The following INSL6 variants were observed in gnomAD, a reference collection of about 807,000 sequenced individuals.
The protein encoded by INSL6 is insulin like 6, also known as insulin-like peptide INSL6.
Under a neutral mutation model 9.4 loss-of-function variants are expected in INSL6, and 16 were observed. That is an observed-to-expected ratio of 1.70 (90% CI 1.15 to 2.59). The LOEUF (loss-of-function observed/expected upper bound fraction) is 2.59, where lower values mean the gene tolerates loss of function less well. Among genes scored for constraint, INSL6 ranks in the 30% most tolerant of loss-of-function variants. The pLI is 0.00. For missense variants in INSL6, 391 were observed against 257.3 expected, an observed-to-expected ratio of 1.52 and a Z score of -3.56; for synonymous variants, 154 against 96.9, an observed-to-expected ratio of 1.59 and a Z score of -3.46.
chr9:5,007,793 C>G, the INSL6 span, among the ~76,000 whole-genome samples: 1 of 151,468 alleles, frequency 6.6e-6, no homozygotes, highest in African/African-American at 2.4e-5. Flanking sequence ...GATATCTGAG[C>G]CTTGGCTCAC....
the INSL6 span, among the ~76,000 whole-genome samples, chr9:5,116,549 TA>T: frequency 6.6e-6 from 1 of 152,130 alleles, no homozygotes; most frequent in Non-Finnish European, 1.5e-5. Flanking sequence ...AATGAAAAAT[TA>T]AAGAGGTTAA....
chr9:5,087,474 A>ACTGGTAGTTCTTTTGCT, the INSL6 span, among the ~76,000 whole-genome samples: 2 of 151,540 alleles, frequency 1.3e-5, no homozygotes, highest in African/African-American at 4.8e-5. Flanking sequence ...AAACCATATC[A>ACTGGTAGTTCTTTTGCT]CTCCCTTACT....
chr9:5,048,236 G>C, the INSL6 span, among the ~76,000 whole-genome samples: 2 of 151,952 alleles, frequency 1.3e-5, no homozygotes, highest in Non-Finnish European at 1.5e-5. Context: ...CTGCCTCCCA[G>C]GTTCAAGTGA....
chr9:5,107,800 A>G, the INSL6 span: 1 of 152,118 alleles, frequency 6.6e-6, no homozygotes, highest in African/African-American at 2.4e-5. Context: ...ATTTTACTCT[A>G]GCATCTATAA....
At chr9:5,084,706 ATT>A in the INSL6 span, among the ~76,000 whole-genome samples, 1 of 152,164 alleles carries the variant, frequency 6.6e-6, no homozygotes, top group African/African-American at 2.4e-5. Context: ...AACATGGATT[ATT>A]TGTGTAATAG....
the INSL6 span, among the ~76,000 whole-genome samples, chr9:5,072,996 G>C: frequency 6.6e-6 from 1 of 152,072 alleles, no homozygotes; most frequent in Non-Finnish European, 1.5e-5. Flanking sequence ...ACTGTACTAA[G>C]GAACATGCTT....
At chr9:5,119,297 C>T (rs1344687763), downstream of INSL6, among the ~76,000 whole-genome samples, 2 of 151,950 alleles carry the variant, frequency 1.3e-5, no homozygotes, top group Non-Finnish European at 2.9e-5. Flanking sequence ...AGAACAAATG[C>T]ATGGAGGTAT....
the INSL6 span, among the ~76,000 whole-genome samples, chr9:5,010,019 G>A: frequency 9.4e-4 from 143 of 152,230 alleles, no homozygotes; most frequent in African/African-American, 3.3e-3. Context: ...CGATCCTCTC[G>A]CCTTGGACTT....
chr9:5,178,881 T>C (rs1039413203), intron 1 of INSL6, among the ~76,000 whole-genome samples: 14 of 152,096 alleles, frequency 9.2e-5, no homozygotes, highest in Non-Finnish European at 2.9e-5. Flanking sequence ...ATTAAAGACT[T>C]ATGTAAAACC....
At chr9:5,035,287 T>A in the INSL6 span, among the ~76,000 whole-genome samples, 2 of 152,348 alleles carry the variant, frequency 1.3e-5, no homozygotes, top group African/African-American at 4.8e-5. Flanking sequence ...GATTCACAGC[T>A]GAATTCTACC....
the INSL6 span, among the ~76,000 whole-genome samples, chr9:5,118,109 G>A: frequency 8.5e-5 from 13 of 152,158 alleles, no homozygotes; most frequent in African/African-American, 2.9e-4. Flanking sequence ...TGCAGTGAGC[G>A]GAGACCTCGC....
At chr9:4,994,943 C>CGTGT in the INSL6 span, among the ~76,000 whole-genome samples, 1,030 of 151,104 alleles carry the variant, frequency 6.8e-3, 14 homozygotes, top group African/African-American at 0.024. Context: ...TTTGTCAGGG[C>CGTGT]GTGTGTGTGT....
chr9:5,056,927 C>T, the INSL6 span, among the ~76,000 whole-genome samples: 1 of 152,134 alleles, frequency 6.6e-6, no homozygotes, highest in East Asian at 1.9e-4. Context: ...AACTCAAATG[C>T]ATGCTTTGAA....
chr9:5,044,318 A>G, the INSL6 span: 4 of 794,100 alleles, frequency 5.0e-6, no homozygotes, highest in Non-Finnish European at 8.6e-6. Context: ...AATACCTTTC[A>G]GTATGCTGTA....
At chr9:5,058,105 C>A in the INSL6 span, among the ~76,000 whole-genome samples, 1 of 152,118 alleles carries the variant, frequency 6.6e-6, no homozygotes, top group Non-Finnish European at 1.5e-5. Flanking sequence ...ATATTCAGGT[C>A]ACTTTTTTAC....
chr9:5,156,305 T>C (rs952862703), intron 2 of INSL6, among the ~76,000 whole-genome samples: 1 of 152,144 alleles, frequency 6.6e-6, no homozygotes, highest in African/African-American at 2.4e-5. Flanking sequence ...TTTATGAAAA[T>C]AAAGGAGGCA....
rs550915336 is a variant in INSL6 at position 5,131,435 on chromosome 9, A to ATTTTTTTTTTTTTTTT, written c.*10+1974_*10+1989dup. Reference sequence around the variant, plus strand: ...AATTCTTTAACACCACCAGTTAACAATTTTTTTTTTTTTTTTTTTGAGACA... The same window carrying ATTTTTTTTTTTTTTTT: ...AATTCTTTAACACCACCAGTTAACAATTTTTTTTTTTTTTTTTTTTTTTTTTTTTTTTTTTGAGACA... On this transcript the variant is annotated intron_variant, in intron 3 of 3. Coordinates refer to the INSL6 transcript ENST00000649639. Among the ~76,000 whole-genome samples the ATTTTTTTTTTTTTTTT allele has an allele frequency of 1.7e-4, 20 of 115,830 alleles. 2 individuals are homozygous for ATTTTTTTTTTTTTTTT. Among genetic ancestry groups the ATTTTTTTTTTTTTTTT allele is most frequent in the African/African-American group, 6.4e-4 (16 of 24,952 alleles). The allele number at this position is 115,830 out of a possible 152,430, so 76.0% of individuals were successfully genotyped here. A position where few individuals can be genotyped will look rare whatever the true frequency, so the allele number is the denominator to read the frequency against.
intron 1 of INSL6, among the ~76,000 whole-genome samples, chr9:5,169,245 T>A (rs972028047): frequency 6.6e-6 from 1 of 152,080 alleles, no homozygotes; most frequent in East Asian, 1.9e-4. Context: ...AAATAATTTC[T>A]AACCTATAAT....
chr9:5,108,583 T>G, the INSL6 span: 1 of 152,094 alleles, frequency 6.6e-6, no homozygotes, highest in East Asian at 1.9e-4. Flanking sequence ...AAAGCCCATG[T>G]AGAAGCCCCT....
Sources: gnomAD v4.1 joint callset for allele counts (sites outside exome capture counted in the v4.1 genomes callset) on GRCh38, gnomAD v4.1.1 for gene constraint, MANE v1.5 for transcripts, NCBI Gene and HGNC (gene_info 2026-07-23, HGNC 2026-07-21) for gene names.